The following ATP5MC3 variants were observed in gnomAD, a reference collection of about 807,000 sequenced individuals.
ATP5MC3 encodes the protein ATP synthase F(0) complex subunit C3, mitochondrial.
A neutral mutation model predicts 15.6 loss-of-function variants in ATP5MC3; 6 were observed. The ratio of observed to expected loss-of-function variants is 0.38; its 90% CI spans 0.21 to 0.76. ATP5MC3 has a LOEUF of 0.76. Among genes scored for constraint, ATP5MC3 ranks in the 30% least tolerant of loss-of-function variants. The probability of loss-of-function intolerance (pLI) is 0.44; values close to 1 mark genes in which losing one functional copy is unlikely to be tolerated. For synonymous variants in ATP5MC3, 66 were observed against 63.3 expected (o/e 1.04, Z -0.20); for missense variants, 132 against 171.2 (o/e 0.77, Z 1.28).
intron 2 of ATP5MC3, 27 bp downstream of exon 2, chr2:175,181,327 TC>T (rs1404444287): frequency 6.2e-7 from 1 of 1,608,642 alleles, no homozygotes; most frequent in South Asian, 1.1e-5. Context: ...CACCCCTCAA[TC>T]CCCCCGACCC....
chr2:175,178,847 GC>G, intron 4 of ATP5MC3: 1 of 1,098,506 alleles, frequency 9.1e-7, no homozygotes, highest in Non-Finnish European at 1.2e-6. Flanking sequence ...AAGTAATGTG[GC>G]CTCTGTGTCT....
intron 2 of ATP5MC3, 126 bp downstream of exon 2, chr2:175,181,229 G>A: frequency 4.2e-6 from 5 of 1,179,074 alleles, no homozygotes; most frequent in Non-Finnish European, 6.0e-6. Flanking sequence ...GGGTTAATAG[G>A]TAAGGAGAAA....
At chr2:175,178,883 C>A (rs766609331) in intron 4 of ATP5MC3, 174 bp downstream of exon 4, 1 of 1,189,860 alleles carries the variant, frequency 8.4e-7, no homozygotes, top group Non-Finnish European at 1.1e-6. Flanking sequence ...ATGTTATTCT[C>A]ATAACACCCC....
chr2:175,178,446 C>A, intron 4 of ATP5MC3, 44 bp from the exon 5 acceptor site: 1 of 1,561,098 alleles, frequency 6.4e-7, no homozygotes, highest in South Asian at 1.2e-5. Flanking sequence ...ATATTAATTT[C>A]AACATGTTTG....
rs979545389 is a variant in ATP5MC3, at chr2:175,176,663, C to T, written c.*1625G>A. 5.3e-5 allele frequency: 8 copies of T among 152,154 alleles called. No individual in the cohort carries two copies. Among genetic ancestry groups the T allele is most frequent in the African/African-American group, 1.9e-4 (8 of 41,438 alleles). The allele number at this position is 152,154 out of a possible 1,614,324, so 9.4% of individuals were successfully genotyped here. On this transcript the variant is annotated 3_prime_UTR_variant, in exon 5 of 5. Coordinates refer to ENST00000284727, the MANE Select transcript of ATP5MC3 (RefSeq NM_001689.5). ...TACGCAGTCACTCCCTTTTCACCCC[C>T]TCCCTAGTTCCTGATAACTACTAAT...
intron 2 of ATP5MC3, 142 bp downstream of exon 2, chr2:175,181,213 G>C: frequency 9.8e-7 from 1 of 1,023,416 alleles, no homozygotes. Context: ...GGAAGAAAAC[G>C]GCAATGGGTT....
intron 4 of ATP5MC3, 25 bp downstream of exon 4, chr2:175,179,032 C>A: frequency 6.2e-7 from 1 of 1,604,624 alleles, no homozygotes; most frequent in Non-Finnish European, 8.5e-7. Flanking sequence ...ATGCTCTTAA[C>A]TTATTTAGGG....
rs1431125989 is a variant in ATP5MC3 at position 175,178,401 on chromosome 2, T to A, written c.316A>T (p.Asn106Tyr). The A allele has an allele frequency of 6.3e-7, 1 of 1,599,724 alleles. No individual in the cohort carries two copies. The highest frequency in any genetic ancestry group is 8.5e-7 in the Non-Finnish European group (1 of 1,176,244). ...AACAGCTGCTGCTTCAGCGAAGGGTTTCTAAAAGAGACCACATATGACTGT... is the reference window on the plus strand; with the variant it reads ...AACAGCTGCTGCTTCAGCGAAGGGTATCTAAAAGAGACCACATATGACTGT... ...FGSLIIGYAR[N>Y]PSLKQQLFSY... is the part of the protein sequence containing the mutation. The change falls in exon 5 of 5, where the codon AAC becomes TAC. Residue 106 changes from asparagine to tyrosine, a missense_variant and splice_region_variant. Around this residue, in one of 2 missense-constraint regions of ATP5MC3, gnomAD observed 42 missense variants for 85.0 expected, o/e 0.49. Coordinates refer to ENST00000284727, the MANE Select transcript of ATP5MC3 (RefSeq NM_001689.5).
In ATP5MC3 at chr2:175,181,361, G is replaced by C; in HGVS notation, c.33C>G (p.Pro11=). The C allele has an allele frequency of 3.7e-6, 6 of 1,613,788 alleles. No homozygotes were observed. The highest frequency in any genetic ancestry group is 5.1e-6 in the Non-Finnish European group (6 of 1,179,900). MFACAKLACT[P]SLIRAGSRVA... ...CCCTGCCTGGGCTACGCACCAGAGA[G>C]GGGGTGCAGGCGAGCTTGGCGCAGG... is the stretch of plus-strand genomic sequence containing the variant. The change falls in exon 2 of 5, where the codon CCC becomes CCG. Residue 11 remains proline, a synonymous_variant. Transcript: ENST00000284727.
At chr2:175,178,773 G>A (rs1700725106) in intron 4 of ATP5MC3, 3 of 1,161,966 alleles carry the variant, frequency 2.6e-6, no homozygotes, top group East Asian at 7.4e-5. Context: ...AATTAGGAAT[G>A]CAGACTCTGA....
chr2:175,178,727 T>C, intron 4 of ATP5MC3: 1 of 1,162,624 alleles, frequency 8.6e-7, no homozygotes, highest in Non-Finnish European at 1.1e-6. Context: ...TTTTAAGGAA[T>C]GTGCTCTAAT....
At chr2:175,179,398 C>T (rs1198477770) in intron 3 of ATP5MC3, 148 bp from the exon 4 acceptor site, 1 of 1,012,124 alleles carries the variant, frequency 9.9e-7, no homozygotes, top group East Asian at 2.8e-5. Flanking sequence ...TAATCTCACT[C>T]TTGTGTAACA....
intron 4 of ATP5MC3, chr2:175,178,611 A>G (rs1336961882): frequency 2.7e-5 from 35 of 1,288,024 alleles, no homozygotes; most frequent in Non-Finnish European, 3.4e-5. Flanking sequence ...ATAAATGGTT[A>G]GTTTTCATTC....
rs569629231 is a variant in ATP5MC3 at position 175,181,427 on chromosome 2, T to G, written c.-34A>C. 1.2e-6 allele frequency: 2 copies of G among 1,612,418 alleles called. No individual in the cohort carries two copies. Among genetic ancestry groups the G allele is most frequent in the South Asian group, 2.2e-5 (2 of 90,614 alleles). ...CTTCGGGACTGCGCGGCTGGAGATA[T>G]TGGGTGACAGGCGACGTGGGCTCCT... On this transcript the variant is annotated 5_prime_UTR_variant, in exon 2 of 5. Transcript: ENST00000284727.
intron 2 of ATP5MC3, 28 bp downstream of exon 2, chr2:175,181,326 AT>A: frequency 6.2e-7 from 1 of 1,609,650 alleles, no homozygotes; most frequent in Non-Finnish European, 8.5e-7. Flanking sequence ...CCACCCCTCA[AT>A]CCCCCCGACC....
In ATP5MC3 at chr2:175,176,330, C is replaced by G. The variant is rs1200140803; in HGVS notation, c.*1958G>C. On this transcript the variant is annotated 3_prime_UTR_variant, in exon 5 of 5. Transcript: ENST00000284727. ...TATTAATCTAAGCATTTTCCTATCACTTTTAAAATTTTATACTATGTACTT... is the reference window on the plus strand; with the variant it reads ...TATTAATCTAAGCATTTTCCTATCAGTTTTAAAATTTTATACTATGTACTT... The G allele has an allele frequency of 6.9e-6, 1 of 145,122 alleles. No individual in the cohort carries two copies. Among genetic ancestry groups the G allele is most frequent in the Non-Finnish European group, 1.5e-5 (1 of 66,632 alleles). The allele number at this position is 145,122 out of a possible 1,614,324, so 9.0% of individuals were successfully genotyped here. A position where few individuals can be genotyped will look rare whatever the true frequency, so the allele number is the denominator to read the frequency against.
chr2:175,181,357 G>A lies in ATP5MC3; in HGVS notation c.37C>T (p.Leu13=), dbSNP rs1165662618. The A allele has an allele frequency of 6.2e-7, 1 of 1,613,766 alleles. No individual in the cohort carries two copies. Among genetic ancestry groups the A allele is most frequent in the Admixed American group, 1.7e-5 (1 of 59,980 alleles). The part of the protein sequence containing the change: ...ACAKLACTPS[L]IRAGSRVAYR... ...CCGACCCTGCCTGGGCTACGCACCA[G>A]AGAGGGGGTGCAGGCGAGCTTGGCG... Residue 13 remains leucine, a splice_region_variant and synonymous_variant, in exon 2 of 5, where the codon CTG becomes TTG. Coordinates refer to ENST00000284727, the MANE Select transcript of ATP5MC3 (RefSeq NM_001689.5).
intron 2 of ATP5MC3, 23 bp from the exon 3 acceptor site, chr2:175,180,201 G>T: frequency 6.5e-7 from 1 of 1,531,670 alleles, no homozygotes; most frequent in South Asian, 1.3e-5. Context: ...AAAAAATAAA[G>T]ATTTCAATAT....
chr2:175,180,891 A>G (rs1257249563), intron 2 of ATP5MC3, among the ~76,000 whole-genome samples: 2 of 152,094 alleles, frequency 1.3e-5, no homozygotes, highest in African/African-American at 4.8e-5. Context: ...TCGTTCCCCC[A>G]CCACCTTCCT....
Sources: gnomAD v4.1 joint callset for allele counts (sites outside exome capture counted in the v4.1 genomes callset) on GRCh38, gnomAD v4.1.1 for gene constraint, gnomAD v4.1.1 regional missense constraint, MANE v1.5 for transcripts, NCBI Gene and HGNC (gene_info 2026-07-23, HGNC 2026-07-21) for gene names.